TBXAS1: variants seen among roughly 807,000 people sequenced by gnomAD.
TBXAS1 encodes thromboxane A synthase 1.
A neutral mutation model predicts 60.7 loss-of-function variants in TBXAS1; 48 were observed. The ratio of observed to expected loss-of-function variants is 0.79; its 90% CI spans 0.63 to 1.01. The LOEUF (loss-of-function observed/expected upper bound fraction) is 1.01. Ranked by LOEUF, TBXAS1 falls within the 50% of genes least tolerant of loss-of-function variation. The probability of loss-of-function intolerance (pLI) is 0.00; values close to 1 mark genes in which losing one functional copy is unlikely to be tolerated. For missense variants in TBXAS1, 685 were observed against 686.3 expected (o/e 1.00, Z 0.02); for synonymous variants, 287 against 269.7 (o/e 1.06, Z -0.63).
intron 10 of TBXAS1, among the ~76,000 whole-genome samples, chr7:140,012,102 G>A (rs1173520798): frequency 2.0e-5 from 3 of 152,216 alleles, no homozygotes; most frequent in Admixed American, 6.5e-5. Flanking sequence ...GATTCATTAG[G>A]GAAACAGAAC....
chr7:139,808,275 T>C (rs1452869622), intron 4 of TBXAS1, among the ~76,000 whole-genome samples: 1 of 152,024 alleles, frequency 6.6e-6, no homozygotes, highest in Non-Finnish European at 1.5e-5. Context: ...GAGGCAGAGA[T>C]TGTGGTGAGC....
chr7:139,859,905 G>A (rs1585653744), intron 1 of TBXAS1, among the ~76,000 whole-genome samples: 1 of 152,178 alleles, frequency 6.6e-6, no homozygotes, highest in South Asian at 2.1e-4. Flanking sequence ...TTGGGAGGCC[G>A]AGGTGGGTGG....
chr7:139,778,788 C>G lies in TBXAS1; in HGVS notation c.-318+317C>G, dbSNP rs544964938. On this transcript the variant is annotated intron_variant, in intron 1 of 16. Transcript: ENST00000336425. The surrounding 1 kb of genome is among the most constrained non-coding windows in gnomAD (Gnocchi z 4.8). ...TATCAGGGCTTCCGCTAAACACTCT[C>G]CAGACTCTCCCCAGCCGGGAGCCTC... 6.6e-6 allele frequency among the ~76,000 whole-genome samples: 1 copy of G among 152,186 alleles called. No homozygotes were observed. Among genetic ancestry groups the G allele is most frequent in the African/African-American group, 2.4e-5 (1 of 41,444 alleles).
At chr7:140,012,522 G>A (rs187144517) in intron 10 of TBXAS1, among the ~76,000 whole-genome samples, 11 of 151,198 alleles carry the variant, frequency 7.3e-5, no homozygotes, top group African/African-American at 1.2e-4. Context: ...ACAGTGGTGC[G>A]ATCTCAGCTC....
At chr7:139,827,749 TCA>T (rs1798481666), upstream of TBXAS1, among the ~76,000 whole-genome samples, 1 of 152,240 alleles carries the variant, frequency 6.6e-6, no homozygotes, top group Non-Finnish European at 1.5e-5. Context: ...GTGCTTAGTT[TCA>T]CTGGATACAA....
intron 11 of TBXAS1, chr7:140,016,326 TA>T (rs978996989): frequency 6.4e-4 from 137 of 215,620 alleles, no homozygotes; most frequent in South Asian, 1.5e-3. Context: ...AGACTCTGTC[TA>T]AAAAAAAATA....
chr7:139,983,901 G>A (rs1812140773), intron 9 of TBXAS1, among the ~76,000 whole-genome samples: 1 of 152,206 alleles, frequency 6.6e-6, no homozygotes, highest in Non-Finnish European at 1.5e-5. Flanking sequence ...GAAGTGGATT[G>A]GAGCTCCCCT....
chr7:139,910,566 G>C (rs536860519), intron 3 of TBXAS1, among the ~76,000 whole-genome samples: 1 of 152,206 alleles, frequency 6.6e-6, no homozygotes, highest in Admixed American at 6.5e-5. Context: ...GAACCCGGGA[G>C]GGGGAGGTTG....
intron 5 of TBXAS1, among the ~76,000 whole-genome samples, chr7:139,951,824 G>A: frequency 3.3e-5 from 1 of 30,178 alleles, no homozygotes; most frequent in African/African-American, 1.2e-4. Flanking sequence ...AAGAAGGAAA[G>A]AAAGAGGAAA....
At chr7:139,924,204 T>C (rs1806708585) in intron 4 of TBXAS1, among the ~76,000 whole-genome samples, 1 of 152,202 alleles carries the variant, frequency 6.6e-6, no homozygotes, top group African/African-American at 2.4e-5. Context: ...TTTTAGTTTT[T>C]TTAGTTTTTT....
chr7:139,813,551 A>G (rs1469314410), intron 4 of TBXAS1, among the ~76,000 whole-genome samples: 1 of 152,200 alleles, frequency 6.6e-6, no homozygotes, highest in Non-Finnish European at 1.5e-5. Flanking sequence ...CTTCTTTTGA[A>G]TGATAACATC....
intron 4 of TBXAS1, among the ~76,000 whole-genome samples, chr7:139,928,957 A>G (rs529574358): frequency 6.6e-6 from 1 of 152,336 alleles, no homozygotes; most frequent in Non-Finnish European, 1.5e-5. Context: ...ATGAAAGTGA[A>G]TAAGAGTTAG....
chr7:139,813,360 G>A (rs1023188624), intron 4 of TBXAS1, among the ~76,000 whole-genome samples: 2 of 152,046 alleles, frequency 1.3e-5, no homozygotes, highest in East Asian at 1.9e-4. Flanking sequence ...AGTGTAACTC[G>A]CTCTGCACAG....
At chr7:139,797,408 C>T (rs1042440106) in intron 4 of TBXAS1, 1 of 152,172 alleles carries the variant, frequency 6.6e-6, no homozygotes, top group Non-Finnish European at 1.5e-5. Context: ...GGTTTGGCCA[C>T]AGTGTTAGCC....
At chr7:139,851,004 T>C (rs1043078401) in intron 1 of TBXAS1, among the ~76,000 whole-genome samples, 1 of 152,218 alleles carries the variant, frequency 6.6e-6, no homozygotes, top group Non-Finnish European at 1.5e-5. Flanking sequence ...GGCAATTTGT[T>C]AGAGAAGCCC....
At chr7:139,799,282 T>A (rs1797654553) in intron 4 of TBXAS1, among the ~76,000 whole-genome samples, 1 of 149,548 alleles carries the variant, frequency 6.7e-6, no homozygotes. Flanking sequence ...CAGGCTGGAG[T>A]GTAGTGGCAC....
At chr7:139,973,110 G>T (rs1356250068) in intron 9 of TBXAS1, among the ~76,000 whole-genome samples, 1 of 152,084 alleles carries the variant, frequency 6.6e-6, no homozygotes, top group Non-Finnish European at 1.5e-5. Flanking sequence ...TTGCCCAGAA[G>T]ATATCATGCT....
At chr7:139,968,003 C>T (rs758167650) in intron 9 of TBXAS1, among the ~76,000 whole-genome samples, 2 of 152,218 alleles carry the variant, frequency 1.3e-5, no homozygotes, top group Non-Finnish European at 2.9e-5. Context: ...CAGGACCAGT[C>T]GGTCCAGCTC....
intron 3 of TBXAS1, among the ~76,000 whole-genome samples, chr7:139,907,080 A>C (rs1268608722): frequency 6.6e-6 from 1 of 152,180 alleles, no homozygotes; most frequent in Non-Finnish European, 1.5e-5. Context: ...TATGTCAAAC[A>C]AGAGTAGTGA....
Sources: allele counts gnomAD v4.1 joint callset (sites outside exome capture counted in the v4.1 genomes callset), GRCh38; gene constraint gnomAD v4.1.1; non-coding constraint Gnocchi (gnomAD v3.1); transcripts MANE v1.5; gene names NCBI Gene and HGNC (gene_info 2026-07-23, HGNC 2026-07-21).